Variants in PRTFDC1 observed in about 807,000 individuals in gnomAD.
PRTFDC1 encodes phosphoribosyl transferase domain containing 1, also known as phosphoribosyltransferase domain-containing protein 1.
Under a neutral mutation model 34.6 loss-of-function variants are expected in PRTFDC1, and 38 were observed. The observed-to-expected ratio is 1.10, with a 90% CI of 0.85 to 1.44. The LOEUF (loss-of-function observed/expected upper bound fraction) is 1.44, where lower values mean the gene tolerates loss of function less well. Among genes scored for constraint, PRTFDC1 ranks in the 40% most tolerant of loss-of-function variants. The probability of loss-of-function intolerance (pLI) is 0.00; values close to 1 mark genes in which losing one functional copy is unlikely to be tolerated. For synonymous variants in PRTFDC1, 93 were observed against 98.1 expected, an observed-to-expected ratio of 0.95 and a Z score of 0.31; for missense variants, 270 against 283.0, an observed-to-expected ratio of 0.95 and a Z score of 0.33.
intron 3 of PRTFDC1, among the ~76,000 whole-genome samples, chr10:24,923,512 G>A (rs1473717141): frequency 1.3e-5 from 2 of 152,170 alleles, no homozygotes; most frequent in Admixed American, 6.5e-5. Context: ...CCAGGTAAAC[G>A]GGGTCTGGAG....
At chr10:24,853,495 C>G (rs1424942713) in intron 7 of PRTFDC1, among the ~76,000 whole-genome samples, 2 of 152,066 alleles carry the variant, frequency 1.3e-5, no homozygotes, top group Admixed American at 1.3e-4. Context: ...GTAGTCCCAG[C>G]TACTTGGGAG....
intron 3 of PRTFDC1, among the ~76,000 whole-genome samples, chr10:24,884,460 T>C (rs971575560): frequency 1.8e-4 from 27 of 152,180 alleles, no homozygotes; most frequent in African/African-American, 6.5e-4. Context: ...CAGCTCAAAA[T>C]ATTTCTGAAG....
chr10:24,909,577 A>G (rs1848595501), intron 3 of PRTFDC1, among the ~76,000 whole-genome samples: 1 of 152,140 alleles, frequency 6.6e-6, no homozygotes, highest in Admixed American at 6.5e-5. Flanking sequence ...AAAATATTGC[A>G]TATATATTTT....
chr10:24,908,173 T>TG (rs1295545887), intron 3 of PRTFDC1: 1 of 219,094 alleles, frequency 4.6e-6, no homozygotes, highest in Admixed American at 5.1e-5. Context: ...CCCCAGGGCC[T>TG]GGGGCTACAT....
At chr10:24,920,805 A>G (rs541651697) in intron 3 of PRTFDC1, among the ~76,000 whole-genome samples, 1 of 152,376 alleles carries the variant, frequency 6.6e-6, no homozygotes, top group Non-Finnish European at 1.5e-5. Context: ...AAAGTCTACA[A>G]TAATCTATCC....
chr10:24,871,578 C>A (rs1184215359), intron 4 of PRTFDC1, among the ~76,000 whole-genome samples: 1 of 151,518 alleles, frequency 6.6e-6, no homozygotes, highest in Non-Finnish European at 1.5e-5. Flanking sequence ...CTTCCCTCCC[C>A]AGATTTTGTA....
intron 4 of PRTFDC1, among the ~76,000 whole-genome samples, chr10:24,865,369 G>C (rs1847757194): frequency 6.6e-6 from 1 of 151,908 alleles, no homozygotes; most frequent in Non-Finnish European, 1.5e-5. Flanking sequence ...CAGGTTTTTT[G>C]AGTGGGCAAC....
intron 2 of PRTFDC1, among the ~76,000 whole-genome samples, chr10:24,940,368 T>C (rs1399418287): frequency 1.3e-5 from 2 of 152,234 alleles, no homozygotes; most frequent in African/African-American, 2.4e-5. Context: ...AGAACTCTTA[T>C]AGTTCAATAA....
chr10:24,880,408 A>G (rs1326693391), intron 3 of PRTFDC1, among the ~76,000 whole-genome samples: 1 of 152,044 alleles, frequency 6.6e-6, no homozygotes, highest in African/African-American at 2.4e-5. Flanking sequence ...TACCAGGCCC[A>G]GCTAAATTTT....
At chr10:24,900,353 C>T (rs546043830) in intron 3 of PRTFDC1, among the ~76,000 whole-genome samples, 4 of 152,348 alleles carry the variant, frequency 2.6e-5, no homozygotes, top group South Asian at 2.1e-4. Context: ...CATGTCTAGG[C>T]TCAAAGAGGC....
rs35671637 is a variant in PRTFDC1 at position 24,849,883 on chromosome 10, G to T, written c.639C>A (p.Cys213Ter). The change falls in exon 9 of 9, where the codon TGC becomes TGA. Residue 213 changes from cysteine to a stop codon, truncating the protein, a stop_gained. Coordinates refer to ENST00000320152, the MANE Select transcript of PRTFDC1 (RefSeq NM_020200.7). LOFTEE classifies it high-confidence loss of function. ...TTTCTTTACCGTGCTCATTGATGACGCATATGTGCTGAAACAATAAAGGAT... is the reference window on the plus strand; with the variant it reads ...TTTCTTTACCGTGCTCATTGATGACTCATATGTGCTGAAACAATAAAGGAT... Reference protein sequence around the residue: ...NEYFRDLNHICVINEHGKEKY... With the variant: ...NEYFRDLNHI 2.1e-4 allele frequency: 331 copies of T among 1,613,734 alleles called. No individual in the cohort carries two copies. In the Middle Eastern group the frequency reaches 5.0e-3, roughly 24 times the overall value.
At chr10:24,901,513 C>T (rs1366363863) in intron 3 of PRTFDC1, among the ~76,000 whole-genome samples, 5 of 152,024 alleles carry the variant, frequency 3.3e-5, no homozygotes, top group Non-Finnish European at 7.4e-5. Flanking sequence ...TTGCTTGAGT[C>T]CAGCAGTGTG....
At chr10:24,867,290 A>G (rs1006314480) in intron 4 of PRTFDC1, among the ~76,000 whole-genome samples, 8 of 152,094 alleles carry the variant, frequency 5.3e-5, no homozygotes, top group African/African-American at 1.9e-4. Context: ...TCCTTTTGAT[A>G]CCACGATTCC....
chr10:24,874,264 G>C (rs2132515258), intron 3 of PRTFDC1, among the ~76,000 whole-genome samples: 1 of 152,174 alleles, frequency 6.6e-6, no homozygotes, highest in Non-Finnish European at 1.5e-5. Context: ...AGGATATTCT[G>C]AATTTACAGA....
chr10:24,868,930 T>C (rs1454248929), intron 4 of PRTFDC1, among the ~76,000 whole-genome samples: 1 of 152,230 alleles, frequency 6.6e-6, no homozygotes, highest in Non-Finnish European at 1.5e-5. Flanking sequence ...ATGTTTTATG[T>C]ATTTACGGAG....
In PRTFDC1 at chr10:24,952,552, C is replaced by A. The variant is rs768701714; in HGVS notation, c.24G>T (p.Ala8=). The A allele has an allele frequency of 5.0e-6, 8 of 1,591,594 alleles. No individual in the cohort carries two copies. The highest frequency in any genetic ancestry group is 1.3e-5 in the African/African-American group (1 of 74,646). The change falls in exon 1 of 9, where the codon GCG becomes GCT. Residue 8 remains alanine, a synonymous_variant. Transcript: ENST00000320152. The surrounding 1 kb of genome is among the most constrained non-coding windows in gnomAD (Gnocchi z 5.1). ...CCACGACGCCTCGCCCGTAGTCTGG[C>A]GCCTCCTCGCTGCTCCCGGCCATGT... MAGSSEE[A]PDYGRGVVIM...
intron 3 of PRTFDC1, among the ~76,000 whole-genome samples, chr10:24,928,958 TG>T (rs1848925902): frequency 2.0e-5 from 3 of 146,824 alleles, no homozygotes; most frequent in African/African-American, 7.6e-5. Flanking sequence ...GAGAATGGGG[TG>T]AACCCAGGAG....
intron 3 of PRTFDC1, among the ~76,000 whole-genome samples, chr10:24,915,020 G>A (rs190645555): frequency 1.4e-4 from 22 of 152,136 alleles, no homozygotes; most frequent in African/African-American, 4.8e-4. Flanking sequence ...GGGTGCAATC[G>A]AACCCTAAAC....
chr10:24,893,648 T>C (rs1372488744), intron 3 of PRTFDC1, among the ~76,000 whole-genome samples: 1 of 152,194 alleles, frequency 6.6e-6, no homozygotes, highest in Non-Finnish European at 1.5e-5. Flanking sequence ...CATTAGCTTA[T>C]AATAGTAATA....
Sources: gnomAD v4.1 joint callset for allele counts (sites outside exome capture counted in the v4.1 genomes callset) on GRCh38, gnomAD v4.1.1 for gene constraint, Gnocchi (gnomAD v3.1) non-coding constraint, MANE v1.5 for transcripts, NCBI Gene and HGNC (gene_info 2026-07-23, HGNC 2026-07-21) for gene names.